The following SAMD3 variants were observed in gnomAD, a reference collection of about 807,000 sequenced individuals.
SAMD3 encodes the protein sterile alpha motif domain-containing protein 3.
In SAMD3, 63 loss-of-function variants were observed where a neutral mutation model predicts 58.5. The ratio of observed to expected loss-of-function variants is 1.08; its 90% CI spans 0.88 to 1.33. The LOEUF is 1.33. SAMD3 is among the 40% of genes most tolerant of loss of function. SAMD3 has a pLI of 0.00. For synonymous variants in SAMD3, 220 were observed against 210.3 expected, an observed-to-expected ratio of 1.05 and a Z score of -0.40; for missense variants, 604 against 608.4, an observed-to-expected ratio of 0.99 and a Z score of 0.08.
chr6:130,224,599 T>TTAG (rs1250325124), upstream of SAMD3, among the ~76,000 whole-genome samples: 1 of 51,272 alleles, frequency 2.0e-5, no homozygotes, highest in Non-Finnish European at 2.9e-5. Flanking sequence ...TTATTTATTA[T>TTAG]TATTATTATT....
At chr6:130,268,541 C>A (rs976828876) in intron 2 of SAMD3, among the ~76,000 whole-genome samples, 1 of 152,178 alleles carries the variant, frequency 6.6e-6, no homozygotes, top group Non-Finnish European at 1.5e-5. Context: ...TCTAGCCTTG[C>A]AAGCACCAGT....
intron 1 of SAMD3, among the ~76,000 whole-genome samples, chr6:130,337,274 C>A (rs982693461): frequency 6.6e-6 from 1 of 152,182 alleles, no homozygotes; most frequent in Non-Finnish European, 1.5e-5. Flanking sequence ...CCTGCACACA[C>A]TTTTCTCTCT....
At chr6:130,323,944 C>T (rs1333094327) in intron 1 of SAMD3, among the ~76,000 whole-genome samples, 1 of 151,574 alleles carries the variant, frequency 6.6e-6, no homozygotes, top group Non-Finnish European at 1.5e-5. Context: ...ATATTTAAAC[C>T]AATGAATGAA....
intron 1 of SAMD3, among the ~76,000 whole-genome samples, chr6:130,316,172 C>A (rs898791688): frequency 6.6e-6 from 1 of 151,348 alleles, no homozygotes; most frequent in Non-Finnish European, 1.5e-5. Flanking sequence ...TCGCCTGTAA[C>A]CCCAGCTACT....
intron 2 of SAMD3, among the ~76,000 whole-genome samples, chr6:130,310,729 C>T (rs532301023): frequency 3.9e-5 from 6 of 152,272 alleles, no homozygotes; most frequent in African/African-American, 9.6e-5. Context: ...CTGCAGACTG[C>T]GTATCTCAGA....
chr6:130,350,761 C>T (rs906718771), intron 1 of SAMD3, among the ~76,000 whole-genome samples: 4 of 152,116 alleles, frequency 2.6e-5, no homozygotes, highest in Non-Finnish European at 4.4e-5. Flanking sequence ...CCCACATTGC[C>T]AAGACAATCT....
intron 1 of SAMD3, among the ~76,000 whole-genome samples, chr6:130,345,610 A>C (rs1201993099): frequency 6.6e-6 from 1 of 151,854 alleles, no homozygotes; most frequent in Non-Finnish European, 1.5e-5. Flanking sequence ...GAGAGGCAGC[A>C]GGGTTTGGAA....
At chr6:130,231,049 G>A (rs539808233) in intron 2 of SAMD3, among the ~76,000 whole-genome samples, 2 of 152,044 alleles carry the variant, frequency 1.3e-5, no homozygotes, top group Non-Finnish European at 2.9e-5. Context: ...TAAAAATTGT[G>A]TGCATGGGTG....
intron 2 of SAMD3, among the ~76,000 whole-genome samples, chr6:130,236,310 C>T (rs112976505): frequency 2.0e-4 from 30 of 151,784 alleles, no homozygotes; most frequent in African/African-American, 6.3e-4. Context: ...ACAAAGACAG[C>T]GGAAGTTAGA....
chr6:130,195,312 C>T (rs1374376027), intron 5 of SAMD3, among the ~76,000 whole-genome samples: 1 of 152,136 alleles, frequency 6.6e-6, no homozygotes, highest in Non-Finnish European at 1.5e-5. Flanking sequence ...ATCACCTTTG[C>T]CCTGCTCAAT....
intron 4 of SAMD3, among the ~76,000 whole-genome samples, chr6:130,211,503 C>G (rs943872838): frequency 4.6e-5 from 7 of 151,926 alleles, no homozygotes; most frequent in African/African-American, 1.7e-4. Flanking sequence ...AGGCTGGTCT[C>G]AAACTCCTGA....
At chr6:130,323,349 T>A (rs1399524723) in intron 1 of SAMD3, among the ~76,000 whole-genome samples, 5 of 152,162 alleles carry the variant, frequency 3.3e-5, no homozygotes, top group African/African-American at 9.7e-5. Context: ...CCCTGACAAG[T>A]CACATCATTC....
chr6:130,192,075 C>T (rs1021236603), intron 5 of SAMD3, among the ~76,000 whole-genome samples: 20 of 152,178 alleles, frequency 1.3e-4, no homozygotes, highest in East Asian at 7.7e-4. Context: ...CATCTGAATC[C>T]CCCACCTGGC....
chr6:130,205,560 TCCCA>T lies in SAMD3; in HGVS notation c.383+3931_383+3934del, dbSNP rs1235988790. Among the ~76,000 whole-genome samples the T allele has an allele frequency of 2.0e-3, 312 of 152,212 alleles. 2 individuals are homozygous for T. The highest frequency in any genetic ancestry group is 0.02 in the South Asian group (98 of 4,818). On this transcript the variant is annotated intron_variant, in intron 5 of 11. Coordinates refer to ENST00000439090, the MANE Select transcript of SAMD3 (RefSeq NM_001017373.4). ...CTCAGGTGATCCACCCACCTCAGCC[TCCCA>T]GAGTGCTGGGATTACAGGCATGAGC...
chr6:130,233,011 A>G (rs1796589894), intron 2 of SAMD3, among the ~76,000 whole-genome samples: 1 of 152,126 alleles, frequency 6.6e-6, no homozygotes, highest in Non-Finnish European at 1.5e-5. Flanking sequence ...ATTGGCAGAG[A>G]CAGGGCTGGC....
chr6:130,239,505 T>C (rs181078317), intron 2 of SAMD3, among the ~76,000 whole-genome samples: 1 of 152,154 alleles, frequency 6.6e-6, no homozygotes. Flanking sequence ...ATATTTATAA[T>C]CAACTCTATA....
At chr6:130,325,232 CAT>C (rs1206759218) in intron 1 of SAMD3, among the ~76,000 whole-genome samples, 1 of 152,226 alleles carries the variant, frequency 6.6e-6, no homozygotes, top group East Asian at 1.9e-4. Flanking sequence ...GAAATTGACT[CAT>C]ATGATTATGG....
chr6:130,306,171 C>A (rs1464123665), intron 2 of SAMD3, among the ~76,000 whole-genome samples: 1 of 152,178 alleles, frequency 6.6e-6, no homozygotes, highest in Non-Finnish European at 1.5e-5. Context: ...CAGACCATAG[C>A]AGGACATTTT....
chr6:130,211,577 C>T (rs1795568096), intron 4 of SAMD3, among the ~76,000 whole-genome samples: 1 of 152,124 alleles, frequency 6.6e-6, no homozygotes, highest in Non-Finnish European at 1.5e-5. Context: ...ACCCACCACG[C>T]CGAGCTGCCA....
Sources: gnomAD v4.1 joint callset for allele counts (sites outside exome capture counted in the v4.1 genomes callset) on GRCh38, gnomAD v4.1.1 for gene constraint, MANE v1.5 for transcripts, NCBI Gene and HGNC (gene_info 2026-07-23, HGNC 2026-07-21) for gene names.